FAM53B: variants seen among roughly 807,000 people sequenced by gnomAD.
The protein encoded by FAM53B is family with sequence similarity 53 member B.
Under a neutral mutation model 32.7 loss-of-function variants are expected in FAM53B, and 12 were observed. That is an observed-to-expected ratio of 0.37 (90% confidence interval 0.24 to 0.59). The LOEUF (loss-of-function observed/expected upper bound fraction) is 0.59. FAM53B is among the 20% of genes least tolerant of loss of function. The pLI, the probability that FAM53B is intolerant of heterozygous loss-of-function variation, is 0.72. For synonymous variants in FAM53B, 234 were observed against 228.7 expected (o/e 1.02, Z -0.21); for missense variants, 477 against 577.7 (o/e 0.83, Z 1.79).
At chr10:124,650,189 G>C (rs916849368) in intron 4 of FAM53B, among the ~76,000 whole-genome samples, 6 of 152,178 alleles carry the variant, frequency 3.9e-5, no homozygotes, top group African/African-American at 1.4e-4. Flanking sequence ...TGTAGGCTGT[G>C]CCCTGCTCCC....
chr10:124,640,224 T>C (rs920573337), intron 4 of FAM53B, among the ~76,000 whole-genome samples: 1 of 152,242 alleles, frequency 6.6e-6, no homozygotes, highest in Non-Finnish European at 1.5e-5. Context: ...GTGCACCCCG[T>C]GGGCTTGTCT....
intron 4 of FAM53B, among the ~76,000 whole-genome samples, chr10:124,662,147 A>T (rs1297503149): frequency 6.6e-6 from 1 of 152,234 alleles, no homozygotes; most frequent in African/African-American, 2.4e-5. Context: ...GAGTGGAACA[A>T]GCATGGGCCT....
chr10:124,638,394 C>G (rs1166080205), intron 4 of FAM53B, among the ~76,000 whole-genome samples: 1 of 152,048 alleles, frequency 6.6e-6, no homozygotes, highest in Non-Finnish European at 1.5e-5. Context: ...CAAAACAAAA[C>G]AAAACACTGG....
At chr10:124,691,773 G>A (rs1196162704) in intron 3 of FAM53B, among the ~76,000 whole-genome samples, 2 of 152,228 alleles carry the variant, frequency 1.3e-5, no homozygotes, top group Non-Finnish European at 2.9e-5. Flanking sequence ...GTACACGTGT[G>A]ACCCTGGGTC....
intron 4 of FAM53B, among the ~76,000 whole-genome samples, chr10:124,648,053 C>T (rs1949530818): frequency 2.0e-5 from 3 of 152,138 alleles, no homozygotes; most frequent in Non-Finnish European, 4.4e-5. Context: ...CACCCCCAGA[C>T]TTCTGCATTC....
intron 3 of FAM53B, among the ~76,000 whole-genome samples, chr10:124,684,425 A>C (rs1564877275): frequency 6.6e-6 from 1 of 152,246 alleles, no homozygotes. Flanking sequence ...TTCACCACCA[A>C]GGAAACCATT....
rs753417235 is a variant in FAM53B at position 124,623,538 on chromosome 10, G to C, written c.973C>G (p.Pro325Ala). 248 of 1,563,474 alleles carry C rather than the reference G, an allele frequency of 1.6e-4. No homozygotes were observed. The highest frequency in any genetic ancestry group is 2.0e-4 in the Non-Finnish European group (235 of 1,155,984). Residue 325 changes from proline (P) to alanine (A), a missense_variant, in exon 5 of 5, where the codon CCC (proline) becomes GCC (alanine). Pro to Ala is a conservative substitution (Grantham distance 27, BLOSUM62 -1). This residue lies in a region of FAM53B where 165 missense variants were observed against 157.5 expected (regional missense o/e 1.05). Transcript: ENST00000337318. ...GTGTTGCTGACGTGGCGGGCGAAGGGGCTCTGGGGACCGCAGTCCTCTGTC... is the reference window on the plus strand; with the variant it reads ...GTGTTGCTGACGTGGCGGGCGAAGGCGCTCTGGGGACCGCAGTCCTCTGTC... ...AGTEDCGPQS[P>A]FARHVSNTRA...
At chr10:124,691,077 G>A (rs1949829966) in intron 3 of FAM53B, among the ~76,000 whole-genome samples, 1 of 152,158 alleles carries the variant, frequency 6.6e-6, no homozygotes, top group Non-Finnish European at 1.5e-5. Flanking sequence ...CCTGCAATGC[G>A]CAATCATTTT....
At chr10:124,686,600 G>A (rs1418208479) in intron 3 of FAM53B, among the ~76,000 whole-genome samples, 1 of 152,198 alleles carries the variant, frequency 6.6e-6, no homozygotes, top group African/African-American at 2.4e-5. Flanking sequence ...CAGCACGTAT[G>A]TACCTGAACT....
At chr10:124,671,379 C>A (rs1213026375) in intron 4 of FAM53B, among the ~76,000 whole-genome samples, 1 of 152,242 alleles carries the variant, frequency 6.6e-6, no homozygotes, top group Non-Finnish European at 1.5e-5. Context: ...AGGTGGGGAG[C>A]AGCTTCCTGT....
At chr10:124,629,518 C>G (rs1949377608) in intron 4 of FAM53B, among the ~76,000 whole-genome samples, 1 of 152,248 alleles carries the variant, frequency 6.6e-6, no homozygotes, top group Non-Finnish European at 1.5e-5. Flanking sequence ...ACGAGCAGAG[C>G]TGGTCCCCAG....
chr10:124,654,777 C>G (rs1030865745), intron 4 of FAM53B, among the ~76,000 whole-genome samples: 2 of 152,284 alleles, frequency 1.3e-5, no homozygotes, highest in African/African-American at 2.4e-5. Flanking sequence ...TCTGCTCCCC[C>G]AGCTCTGAGT....
At chr10:124,663,434 C>G (rs1281511446) in intron 4 of FAM53B, among the ~76,000 whole-genome samples, 1 of 152,254 alleles carries the variant, frequency 6.6e-6, no homozygotes, top group African/African-American at 2.4e-5. Context: ...CCGGCCCCAC[C>G]TCTGCAGAAC....
At chr10:124,653,626 G>A (rs944107956) in intron 4 of FAM53B, among the ~76,000 whole-genome samples, 5 of 152,180 alleles carry the variant, frequency 3.3e-5, no homozygotes, top group Admixed American at 3.3e-4. Context: ...GCCAGACTTG[G>A]GTCAAAGCCC....
chr10:124,625,769 CAG>C (rs1200339399), intron 4 of FAM53B, among the ~76,000 whole-genome samples: 5 of 152,234 alleles, frequency 3.3e-5, no homozygotes, highest in Admixed American at 6.5e-5. Flanking sequence ...GGGCACAAAA[CAG>C]GGGCAAGATG....
rs1246072992 is a variant in FAM53B, at chr10:124,706,901, A to C, written c.-174-14T>G. 1 of 1,433,512 alleles carries C rather than the reference A, an allele frequency of 7.0e-7. No homozygotes were observed. The highest frequency in any genetic ancestry group is 1.4e-5 in the African/African-American group (1 of 69,832). 88.8% of individuals were successfully genotyped at this position (1,433,512 alleles called of 1,614,324 possible). ...GTGGTCAACTCCCTGGAAAGACAAA[A>C]GAAAAGCAAAAAGATTCAGGACTAA... is the stretch of plus-strand genomic sequence containing the variant. On this transcript the variant is annotated splice_polypyrimidine_tract_variant and intron_variant, in intron 1 of 4. Transcript: ENST00000337318.
intron 4 of FAM53B, among the ~76,000 whole-genome samples, chr10:124,626,090 C>A (rs1041570313): frequency 2.0e-5 from 3 of 152,260 alleles, no homozygotes; most frequent in Admixed American, 6.5e-5. Context: ...TGTTGAGATG[C>A]GTGTGCCTGA....
chr10:124,640,929 T>C (rs1949467111), intron 4 of FAM53B, among the ~76,000 whole-genome samples: 1 of 152,134 alleles, frequency 6.6e-6, no homozygotes. Context: ...GACCCCACAC[T>C]AGGAAGAGCC....
At chr10:124,701,214 G>C (rs1949913120) in intron 2 of FAM53B, among the ~76,000 whole-genome samples, 1 of 152,244 alleles carries the variant, frequency 6.6e-6, no homozygotes. Flanking sequence ...TGCCAACTTA[G>C]CATGGCCCGA....
Sources: allele counts gnomAD v4.1 joint callset (sites outside exome capture counted in the v4.1 genomes callset), GRCh38; gene constraint gnomAD v4.1.1; regional missense constraint gnomAD v4.1.1; transcripts MANE v1.5; gene names NCBI Gene and HGNC (gene_info 2026-07-23, HGNC 2026-07-21).